CA10: variants seen among roughly 807,000 people sequenced by gnomAD.
The protein encoded by CA10 is carbonic anhydrase 10 (inactive), also known as carbonic anhydrase-related protein 10.
CA10 carries 14 observed loss-of-function variants against 44.2 expected under a neutral mutation model. The observed-to-expected ratio is 0.32, with a 90% CI of 0.21 to 0.50. The LOEUF is 0.50. Among genes scored for constraint, CA10 ranks in the 20% least tolerant of loss-of-function variants. The pLI, the probability that CA10 is intolerant of heterozygous loss-of-function variation, is 0.99. For synonymous variants in CA10, 159 were observed against 141.6 expected, an observed-to-expected ratio of 1.12 and a Z score of -0.87; for missense variants, 350 against 409.7, an observed-to-expected ratio of 0.85 and a Z score of 1.26.
chr17:52,128,693 C>A (rs993252882), intron 1 of CA10, among the ~76,000 whole-genome samples: 1 of 152,172 alleles, frequency 6.6e-6, no homozygotes, highest in African/African-American at 2.4e-5. Flanking sequence ...TGGAGACATT[C>A]ATATCTTGCA....
At chr17:51,706,633 T>C (rs1475472138) in intron 4 of CA10, among the ~76,000 whole-genome samples, 2 of 151,962 alleles carry the variant, frequency 1.3e-5, no homozygotes, top group South Asian at 4.2e-4. Flanking sequence ...ATCATACCAC[T>C]CCCCTGCTTG....
intron 2 of CA10, among the ~76,000 whole-genome samples, chr17:51,964,145 C>T (rs1469780044): frequency 6.6e-6 from 1 of 151,638 alleles, no homozygotes; most frequent in African/African-American, 2.4e-5. Context: ...CTTTAAACCA[C>T]CAACATTAAA....
chr17:52,116,892 T>C (rs1322071391), intron 1 of CA10, among the ~76,000 whole-genome samples: 2 of 152,240 alleles, frequency 1.3e-5, no homozygotes, highest in Non-Finnish European at 2.9e-5. Context: ...AGGTTGGTCT[T>C]AAGCTGTAGC....
intron 4 of CA10, among the ~76,000 whole-genome samples, chr17:51,666,316 G>A (rs1283277996): frequency 2.0e-5 from 3 of 152,122 alleles, no homozygotes; most frequent in Non-Finnish European, 4.4e-5. Context: ...AGGAGAAAAA[G>A]GTAAGGACAG....
intron 4 of CA10, among the ~76,000 whole-genome samples, chr17:51,672,989 T>C (rs1233576809): frequency 1.3e-5 from 2 of 152,174 alleles, no homozygotes; most frequent in African/African-American, 4.8e-5. Flanking sequence ...AAGAAATGGA[T>C]TTTCTTGACT....
chr17:51,887,855 G>T (rs868256095), intron 3 of CA10, among the ~76,000 whole-genome samples: 2 of 126,940 alleles, frequency 1.6e-5, no homozygotes, highest in African/African-American at 3.0e-5. Flanking sequence ...AAAAAAAAAA[G>T]AAAAAAAAAA....
chr17:51,921,031 A>G (rs1598118602), intron 3 of CA10, among the ~76,000 whole-genome samples: 1 of 152,322 alleles, frequency 6.6e-6, no homozygotes, highest in Admixed American at 6.5e-5. Flanking sequence ...GATAGTGGTT[A>G]ATAAGAGGAC....
At chr17:52,116,942 G>C (rs1469181177) in intron 1 of CA10, among the ~76,000 whole-genome samples, 3 of 152,130 alleles carry the variant, frequency 2.0e-5, no homozygotes, top group African/African-American at 7.2e-5. Flanking sequence ...GAGGTTTGTT[G>C]GTCCCACTGG....
At chr17:51,836,371 A>G (rs1012548838) in intron 3 of CA10, among the ~76,000 whole-genome samples, 1 of 152,228 alleles carries the variant, frequency 6.6e-6, no homozygotes, top group African/African-American at 2.4e-5. Context: ...GAGGTGCTCT[A>G]TGTAAAAGCA....
At chr17:51,901,332 G>T (rs1231159751) in intron 3 of CA10, among the ~76,000 whole-genome samples, 1 of 152,092 alleles carries the variant, frequency 6.6e-6, no homozygotes, top group Non-Finnish European at 1.5e-5. Flanking sequence ...CTGGGGGCCT[G>T]GTACCCAGCC....
chr17:51,950,983 C>A (rs956126256), intron 2 of CA10, among the ~76,000 whole-genome samples: 20 of 152,092 alleles, frequency 1.3e-4, no homozygotes, highest in Non-Finnish European at 2.8e-4. Context: ...CCTCCTAGGT[C>A]CCAATGGATT....
At chr17:51,699,310 C>A (rs1038618695) in intron 4 of CA10, among the ~76,000 whole-genome samples, 2 of 145,112 alleles carry the variant, frequency 1.4e-5, no homozygotes, top group African/African-American at 5.1e-5. Flanking sequence ...GTGACAAGAG[C>A]GAAACTCCAT....
chr17:51,842,950 T>A (rs979686779), intron 3 of CA10, among the ~76,000 whole-genome samples: 1 of 152,188 alleles, frequency 6.6e-6, no homozygotes, highest in Non-Finnish European at 1.5e-5. Flanking sequence ...GGAATGCACA[T>A]ATGCAGGCTT....
At chr17:51,818,767 A>T (rs1365262250) in intron 3 of CA10, among the ~76,000 whole-genome samples, 1 of 152,178 alleles carries the variant, frequency 6.6e-6, no homozygotes, top group Admixed American at 6.5e-5. Context: ...AAACCATGGG[A>T]TATTGGGCTC....
intron 2 of CA10, among the ~76,000 whole-genome samples, chr17:52,014,754 G>T (rs999004672): frequency 6.6e-6 from 1 of 151,864 alleles, no homozygotes; most frequent in Non-Finnish European, 1.5e-5. Flanking sequence ...AAAAAAATAG[G>T]CAAATAATAT....
At chr17:51,652,906 T>TTTTATTTTTCTAATTA (rs1913629636) in intron 5 of CA10, among the ~76,000 whole-genome samples, 1 of 152,230 alleles carries the variant, frequency 6.6e-6, no homozygotes, top group Non-Finnish European at 1.5e-5. Flanking sequence ...TTTTTTTAAT[T>TTTTATTTTTCTAATTA]TTTATTTTTC....
At chr17:52,090,943 G>C (rs1024667760) in intron 1 of CA10, among the ~76,000 whole-genome samples, 2 of 152,078 alleles carry the variant, frequency 1.3e-5, no homozygotes, top group African/African-American at 4.8e-5. Context: ...GTAAATAGCT[G>C]CTGACTACAC....
At chr17:51,996,673 G>A (rs898773903) in intron 2 of CA10, among the ~76,000 whole-genome samples, 2 of 151,928 alleles carry the variant, frequency 1.3e-5, no homozygotes, top group African/African-American at 4.8e-5. Context: ...TACTTGGTAA[G>A]AATTTCTTCC....
At chr17:51,702,817 A>C (rs1915645173) in intron 4 of CA10, among the ~76,000 whole-genome samples, 1 of 152,080 alleles carries the variant, frequency 6.6e-6, no homozygotes, top group African/African-American at 2.4e-5. Flanking sequence ...ATCTACAAGA[A>C]TCTCTCCTCT....
Sources: allele counts gnomAD v4.1 joint callset (sites outside exome capture counted in the v4.1 genomes callset), GRCh38; gene constraint gnomAD v4.1.1; transcripts MANE v1.5; gene names NCBI Gene and HGNC (gene_info 2026-07-23, HGNC 2026-07-21).